Variants in RIN3 observed in about 807,000 individuals in gnomAD.
RIN3 encodes Ras and Rab interactor 3.
RIN3 carries 54 observed loss-of-function variants against 76.3 expected under a neutral mutation model. The observed-to-expected ratio is 0.71, with a 90% CI of 0.57 to 0.89. RIN3 has a LOEUF of 0.89. RIN3 is among the 40% of genes least tolerant of loss of function. The pLI, the probability that RIN3 is intolerant of heterozygous loss-of-function variation, is 0.00. For synonymous variants in RIN3, 576 were observed against 564.0 expected, an observed-to-expected ratio of 1.02 and a Z score of -0.30; for missense variants, 1,256 against 1,322.1, an observed-to-expected ratio of 0.95 and a Z score of 0.78.
intron 4 of RIN3, among the ~76,000 whole-genome samples, chr14:92,630,720 C>A (rs1886544939): frequency 6.6e-6 from 1 of 151,168 alleles, no homozygotes; most frequent in African/African-American, 2.5e-5. Context: ...AAGGAGGCCA[C>A]AGGGCACAGA....
chr14:92,647,176 G>A (rs927419392), intron 5 of RIN3, among the ~76,000 whole-genome samples: 1 of 152,208 alleles, frequency 6.6e-6, no homozygotes, highest in African/African-American at 2.4e-5. Flanking sequence ...CTGAAACTCA[G>A]CTATTGACTT....
At chr14:92,523,416 TA>T (rs1488460527) in intron 1 of RIN3, among the ~76,000 whole-genome samples, 20 of 152,352 alleles carry the variant, frequency 1.3e-4, no homozygotes, top group African/African-American at 4.3e-4. Context: ...CTAGCCATAC[TA>T]TCTTGTTTTA....
chr14:92,551,827 C>T (rs749129521), intron 1 of RIN3, among the ~76,000 whole-genome samples: 68 of 152,210 alleles, frequency 4.5e-4, no homozygotes, highest in Non-Finnish European at 1.0e-4. Context: ...ATATGTTTTG[C>T]AGATATTTTT....
intron 8 of RIN3, among the ~76,000 whole-genome samples, chr14:92,678,149 A>G (rs576544477): frequency 9.7e-4 from 126 of 130,068 alleles, no homozygotes; most frequent in Admixed American, 1.6e-3. Flanking sequence ...CATCCACATA[A>G]CCATCTACCC....
intron 8 of RIN3, among the ~76,000 whole-genome samples, chr14:92,682,887 C>A (rs1888716124): frequency 6.6e-6 from 1 of 152,132 alleles, no homozygotes. Context: ...TCATCCTGGC[C>A]AGGCATGGTG....
chr14:92,558,928 G>A (rs575270864), intron 2 of RIN3, among the ~76,000 whole-genome samples: 47 of 144,948 alleles, frequency 3.2e-4, no homozygotes, highest in South Asian at 1.3e-3. Flanking sequence ...TTGCAGTGGC[G>A]CAATCTCAGC....
chr14:92,531,798 C>T (rs918295952), intron 1 of RIN3, among the ~76,000 whole-genome samples: 11 of 152,156 alleles, frequency 7.2e-5, no homozygotes, highest in Non-Finnish European at 1.6e-4. Flanking sequence ...ACCTGCAGTG[C>T]GTTCTGACCT....
At chr14:92,642,814 G>A (rs1357474283) in intron 5 of RIN3, among the ~76,000 whole-genome samples, 1 of 152,194 alleles carries the variant, frequency 6.6e-6, no homozygotes, top group African/African-American at 2.4e-5. Context: ...AGGAGTTCTG[G>A]TCCTTGGGTG....
At chr14:92,676,693 C>G in intron 8 of RIN3, 87 bp downstream of exon 8, 1 of 1,436,778 alleles carries the variant, frequency 7.0e-7, no homozygotes, top group South Asian at 1.2e-5. Context: ...CAACAAGCAC[C>G]TCCTGGATGC....
At position 92,685,111 on chromosome 14, in the gene RIN3, T is replaced by C. The variant is rs772138570; in HGVS notation, c.2592T>C (p.Arg864=). ...CCATCCACCGCTGGGAGCGCCGGCG[T>C]ACTCTCAACAAGGCCCGGGCCTCCC... ...QDSIHRWERR[R]TLNKARASRS... is the part of the protein sequence containing the mutation. The change falls in exon 9 of 10, where the codon CGT becomes CGC. Residue 864 remains arginine, a synonymous_variant. Transcript: ENST00000216487. The surrounding 1 kb of genome is among the most constrained non-coding windows in gnomAD (Gnocchi z 4.7). 6.2e-7 allele frequency: 1 copy of C among 1,613,506 alleles called. No homozygotes were observed. The highest frequency in any genetic ancestry group is 8.5e-7 in the Non-Finnish European group (1 of 1,179,820).
At chr14:92,632,600 C>G (rs1886626894) in intron 4 of RIN3, among the ~76,000 whole-genome samples, 1 of 152,176 alleles carries the variant, frequency 6.6e-6, no homozygotes, top group South Asian at 2.1e-4. Flanking sequence ...AAGTTCTGAG[C>G]CAATTGGAAC....
At position 92,685,435 on chromosome 14, in the gene RIN3, C is replaced by T. The variant is rs1022050116; in HGVS notation, c.2631+285C>T. The T allele has an allele frequency of 2.4e-6, 1 of 411,482 alleles. No individual in the cohort carries two copies. The highest frequency in any genetic ancestry group is 4.5e-6 in the Non-Finnish European group (1 of 221,378). The allele number at this position is 411,482 out of a possible 1,614,324, so 25.5% of individuals were successfully genotyped here. Reference sequence around the variant, plus strand: ...TGAGACACACCCATCATTCCTTAGCCCCTCCTAGGACCCAGCACCCTGCAG... The same window carrying T: ...TGAGACACACCCATCATTCCTTAGCTCCTCCTAGGACCCAGCACCCTGCAG... On this transcript the variant is annotated intron_variant, in intron 9 of 9. Transcript: ENST00000216487. The surrounding 1 kb of genome is among the most constrained non-coding windows in gnomAD (Gnocchi z 4.7).
chr14:92,642,722 G>A (rs1887061153), intron 5 of RIN3, among the ~76,000 whole-genome samples: 1 of 152,150 alleles, frequency 6.6e-6, no homozygotes, highest in African/African-American at 2.4e-5. Context: ...CCAGGCCACT[G>A]TTCACCACTC....
At chr14:92,517,374 G>A (rs778280450) in intron 1 of RIN3, among the ~76,000 whole-genome samples, 1 of 152,126 alleles carries the variant, frequency 6.6e-6, no homozygotes, top group African/African-American at 2.4e-5. Flanking sequence ...ACAGAAGAGG[G>A]GCAAAAGTAT....
chr14:92,528,618 G>T (rs1345528415), intron 1 of RIN3, among the ~76,000 whole-genome samples: 6 of 152,188 alleles, frequency 3.9e-5, no homozygotes, highest in Non-Finnish European at 1.5e-5. Context: ...GAAATGGGGG[G>T]CAGGTCCCCA....
intron 4 of RIN3, among the ~76,000 whole-genome samples, chr14:92,620,304 C>G (rs1419257374): frequency 6.6e-6 from 1 of 152,110 alleles, no homozygotes; most frequent in Non-Finnish European, 1.5e-5. Context: ...AAACACATTG[C>G]CATGAATTAA....
At chr14:92,636,401 T>C (rs1427274964) in intron 4 of RIN3, among the ~76,000 whole-genome samples, 1 of 152,092 alleles carries the variant, frequency 6.6e-6, no homozygotes, top group East Asian at 1.9e-4. Flanking sequence ...CTGGTCAACA[T>C]GGTGAAAACC....
chr14:92,599,410 G>T (rs1165890909), intron 3 of RIN3, among the ~76,000 whole-genome samples: 1 of 152,164 alleles, frequency 6.6e-6, no homozygotes, highest in African/African-American at 2.4e-5. Flanking sequence ...GGACTCTTGG[G>T]CCTGGTTGGC....
At chr14:92,608,598 G>A (rs1164234290) in intron 3 of RIN3, among the ~76,000 whole-genome samples, 23 of 151,524 alleles carry the variant, frequency 1.5e-4, no homozygotes, top group East Asian at 7.8e-4. Context: ...GCAGTGGCAC[G>A]ATCTTGGCTC....
Sources: allele counts gnomAD v4.1 joint callset (sites outside exome capture counted in the v4.1 genomes callset), GRCh38; gene constraint gnomAD v4.1.1; non-coding constraint Gnocchi (gnomAD v3.1); transcripts MANE v1.5; gene names NCBI Gene and HGNC (gene_info 2026-07-23, HGNC 2026-07-21).